Variants in UBAP1 observed in about 807,000 individuals in gnomAD.
UBAP1 encodes the protein ubiquitin-associated protein 1.
A neutral mutation model predicts 39.0 loss-of-function variants in UBAP1; 5 were observed. The observed-to-expected ratio is 0.13, with a 90% CI of 0.07 to 0.27. UBAP1 has a LOEUF of 0.27. Ranked by LOEUF, UBAP1 falls within the 10% of genes least tolerant of loss-of-function variation. The pLI is 1.00. For synonymous variants in UBAP1, 211 were observed against 225.1 expected (o/e 0.94, Z 0.56); for missense variants, 490 against 608.1 (o/e 0.81, Z 2.04).
At chr9:34,179,658 C>T (rs186831938) in intron 1 of UBAP1, among the ~76,000 whole-genome samples, 35 of 151,592 alleles carry the variant, frequency 2.3e-4, no homozygotes, top group African/African-American at 8.0e-4. Context: ...ATTTAGTTCT[C>T]CCTGAGGCAA....
intron 4 of UBAP1, among the ~76,000 whole-genome samples, chr9:34,248,740 T>G (rs1236189717): frequency 2.0e-5 from 3 of 152,162 alleles, no homozygotes. Context: ...GAGGAGAGCA[T>G]CTGGTTACAT....
intron 1 of UBAP1, among the ~76,000 whole-genome samples, chr9:34,209,865 A>C (rs1831922031): frequency 6.6e-6 from 1 of 152,124 alleles, no homozygotes; most frequent in Non-Finnish European, 1.5e-5. Context: ...TATGCTCAGT[A>C]CAGGAAACCT....
At chr9:34,249,516 A>G (rs918162664) in intron 4 of UBAP1, among the ~76,000 whole-genome samples, 2 of 152,126 alleles carry the variant, frequency 1.3e-5, no homozygotes, top group South Asian at 2.1e-4. Context: ...CGCTTTCTCA[A>G]TCACCAAAGT....
chr9:34,241,661 G>A lies in UBAP1; in HGVS notation c.636G>A (p.Glu212=). 6.2e-7 allele frequency: 1 copy of A among 1,614,016 alleles called. No homozygotes were observed. Among genetic ancestry groups the A allele is most frequent in the Admixed American group, 1.7e-5 (1 of 60,006 alleles). Residue 212 remains glutamate, a synonymous_variant, in exon 4 of 7, where the codon GAG becomes GAA. Transcript: ENST00000297661. ...RGGSGSVLQD[E]EVLASLERAT... is the part of the protein sequence containing the mutation. ...GCTCTGGGTCTGTGTTACAGGATGA[G>A]GAGGTCCTGGCATCCTTGGAACGGG...
intron 3 of UBAP1, among the ~76,000 whole-genome samples, chr9:34,235,160 TA>T (rs1365418504): frequency 2.0e-5 from 3 of 152,104 alleles, no homozygotes; most frequent in African/African-American, 7.2e-5. Context: ...TTTTGGAAGA[TA>T]AAAAACATTT....
intron 2 of UBAP1, among the ~76,000 whole-genome samples, chr9:34,229,931 T>TC (rs1471108051): frequency 1.3e-5 from 2 of 152,080 alleles, no homozygotes; most frequent in African/African-American, 2.4e-5. Flanking sequence ...CGCCTCTGCC[T>TC]CCCAAAGTGT....
intron 3 of UBAP1, among the ~76,000 whole-genome samples, chr9:34,238,716 T>A (rs1050177825): frequency 6.6e-6 from 1 of 152,232 alleles, no homozygotes; most frequent in South Asian, 2.1e-4. Flanking sequence ...CGTTTTTCCA[T>A]GTTTTATTTG....
intron 1 of UBAP1, among the ~76,000 whole-genome samples, chr9:34,190,362 T>A (rs962179600): frequency 6.6e-6 from 1 of 152,140 alleles, no homozygotes; most frequent in Non-Finnish European, 1.5e-5. Flanking sequence ...TGGTCTTGGC[T>A]CACTGCAACC....
intron 3 of UBAP1, among the ~76,000 whole-genome samples, chr9:34,238,890 T>C (rs1476338479): frequency 6.6e-6 from 1 of 152,232 alleles, no homozygotes; most frequent in East Asian, 1.9e-4. Context: ...CGATTTAGGC[T>C]TTGCTGGGAA....
rs1554650844 is a variant in UBAP1 at position 34,226,131 on chromosome 9, G to GTGTGTGTT, written c.34+5190_34+5191insTTGTGTGT. On this transcript the variant is annotated intron_variant, in intron 2 of 6. Transcript: ENST00000297661. ...TGTGTGTGTGTGTGTGTGTGTGTGTGTGTGTGTGTGTGTGTGTGTGTGTGT... is the reference window on the plus strand; with the variant it reads ...TGTGTGTGTGTGTGTGTGTGTGTGTGTGTGTGTTTGTGTGTGTGTGTGTGTGTGTGTGT... Among the ~76,000 whole-genome samples, 173 of 143,672 alleles carry GTGTGTGTT rather than the reference G, an allele frequency of 1.2e-3. 5 individuals carry two copies. In the Middle Eastern group the frequency reaches 0.03, roughly 25 times the overall value. The allele number at this position is 143,672 out of a possible 152,430, so 94.3% of individuals were successfully genotyped here.
chr9:34,236,874 G>C (rs1219327044), intron 3 of UBAP1, among the ~76,000 whole-genome samples: 3 of 151,998 alleles, frequency 2.0e-5, no homozygotes, highest in African/African-American at 4.8e-5. Flanking sequence ...CTAGACATAA[G>C]GTTATGACAA....
chr9:34,219,358 G>A (rs991308224), intron 1 of UBAP1, among the ~76,000 whole-genome samples: 1 of 152,060 alleles, frequency 6.6e-6, no homozygotes, highest in Non-Finnish European at 1.5e-5. Context: ...CAAAATGTGG[G>A]ATTACATGTG....
chr9:34,217,879 C>T (rs1426187639), intron 1 of UBAP1, among the ~76,000 whole-genome samples: 1 of 136,612 alleles, frequency 7.3e-6, no homozygotes, highest in Non-Finnish European at 1.5e-5. Context: ...CTCACTGCAA[C>T]CTCCGTCTCC....
intron 1 of UBAP1, among the ~76,000 whole-genome samples, chr9:34,218,561 A>G (rs772822842): frequency 1.1e-4 from 17 of 152,210 alleles, no homozygotes; most frequent in Non-Finnish European, 2.1e-4. Context: ...TACTTTCCCA[A>G]TTTAGGAAAA....
chr9:34,241,313 A>C lies in UBAP1; in HGVS notation c.288A>C (p.Pro96=). The stretch of plus-strand genomic sequence containing the variant: ...CTAAAGTGAATTCTAAGAGTGGCCC[A>C]GAGGGCGATAGCAAAATGAGCTTCT... ...AEAKVNSKSG[P]EGDSKMSFSK... The change falls in exon 4 of 7, where the codon CCA becomes CCC. Residue 96 remains proline (P), a synonymous_variant. Transcript: ENST00000297661. The C allele has an allele frequency of 1.3e-6, 2 of 1,517,168 alleles. No homozygotes were observed. Among genetic ancestry groups the C allele is most frequent in the Non-Finnish European group, 1.8e-6 (2 of 1,134,300 alleles). The allele number at this position is 1,517,168 out of a possible 1,614,324, so 94.0% of individuals were successfully genotyped here. A position where few individuals can be genotyped will look rare whatever the true frequency, so the allele number is the denominator to read the frequency against.
At chr9:34,180,012 G>C (rs1466866858) in intron 1 of UBAP1, among the ~76,000 whole-genome samples, 1 of 152,196 alleles carries the variant, frequency 6.6e-6, no homozygotes, top group African/African-American at 2.4e-5. Context: ...TGCGAAACCA[G>C]ATTTGGTAAT....
In UBAP1 at chr9:34,249,832, C is replaced by G. The variant is rs781607574; in HGVS notation, c.1137C>G (p.Pro379=). The stretch of plus-strand genomic sequence containing the variant: ...AAGTGCCCAACATGCCCAGCTGTCC[C>G]CAGGCCTATTCTGAACTGCAGATGC... ...VSQVPNMPSC[P]QAYSELQMLS... Residue 379 remains proline, a synonymous_variant, in exon 5 of 7, where the codon CCC becomes CCG. Transcript: ENST00000297661. The G allele has an allele frequency of 3.8e-5, 61 of 1,614,090 alleles. No homozygotes were observed. Among genetic ancestry groups the G allele is most frequent in the Non-Finnish European group, 4.6e-5 (54 of 1,180,048 alleles).
intron 1 of UBAP1, among the ~76,000 whole-genome samples, chr9:34,202,624 C>CTGT (rs1491103579): frequency 9.3e-6 from 1 of 107,326 alleles, no homozygotes; most frequent in African/African-American, 3.9e-5. Context: ...TAGACAGAAA[C>CTGT]GTGTGTGTGT....
intron 1 of UBAP1, among the ~76,000 whole-genome samples, chr9:34,211,057 T>G (rs1831993698): frequency 6.6e-6 from 1 of 152,200 alleles, no homozygotes; most frequent in Non-Finnish European, 1.5e-5. Flanking sequence ...TGCTAGCTTT[T>G]AATTTTGTCA....
Sources: gnomAD v4.1 joint callset for allele counts (sites outside exome capture counted in the v4.1 genomes callset) on GRCh38, gnomAD v4.1.1 for gene constraint, MANE v1.5 for transcripts, NCBI Gene and HGNC (gene_info 2026-07-23, HGNC 2026-07-21) for gene names.